TANC1: variants seen among roughly 807,000 people sequenced by gnomAD.
TANC1 encodes protein TANC1.
In TANC1, 77 loss-of-function variants were observed where a neutral mutation model predicts 149.7. The ratio of observed to expected loss-of-function variants is 0.51; its 90% CI spans 0.43 to 0.62. TANC1 has a LOEUF of 0.62. Among genes scored for constraint, TANC1 ranks in the 20% least tolerant of loss-of-function variants. The pLI, the probability that TANC1 is intolerant of heterozygous loss-of-function variation, is 0.00. For synonymous variants in TANC1, 854 were observed against 925.0 expected (o/e 0.92, Z 1.39); for missense variants, 1,985 against 2,321.8 (o/e 0.85, Z 2.98).
intron 4 of TANC1, among the ~76,000 whole-genome samples, chr2:159,133,809 T>C (rs1423141305): frequency 6.6e-6 from 1 of 152,244 alleles, no homozygotes; most frequent in Non-Finnish European, 1.5e-5. Flanking sequence ...GATTAAATAC[T>C]ACATGAATCA....
Position 159,219,976 on chromosome 2 carries a change from G to T in TANC1, c.3678+109G>T, listed in dbSNP as rs112564789. On this transcript the variant is annotated intron_variant, in intron 22 of 26. Transcript: ENST00000263635. Reference sequence around the variant, plus strand: ...GAGGTTGTGTCTCAGTGTCATCAGAGAGTGTGTGTGTGTGTGTGTGTGTGT... The same window carrying T: ...GAGGTTGTGTCTCAGTGTCATCAGATAGTGTGTGTGTGTGTGTGTGTGTGT... 5.5e-4 allele frequency: 401 copies of T among 730,282 alleles called. No individual in the cohort carries two copies. The African/African-American group carries it at 7.7e-3, about 14-fold the overall frequency. 45.2% of individuals were successfully genotyped at this position (730,282 alleles called of 1,614,324 possible). A position where few individuals can be genotyped will look rare whatever the true frequency, so the allele number is the denominator to read the frequency against.
rs199615131 is a variant in TANC1, at chr2:159,225,745, A to G, written c.3869A>G (p.Gln1290Arg). 1.0e-3 allele frequency: 1,693 copies of G among 1,614,120 alleles called. 12 individuals are homozygous for G. Among genetic ancestry groups the G allele is most frequent in the South Asian group, 6.6e-3 (597 of 91,078 alleles). Reference protein sequence around the residue: ...SKPDILIILLQKLMEEGNVMY... With the variant: ...SKPDILIILLRKLMEEGNVMY... ...CCTGATATCTTGATTATACTTTTAC[A>G]GAAATTAATGGAGGAAGGAAATGTG... Residue 1290 changes from glutamine to arginine, a missense_variant, in exon 24 of 27, where the codon CAG becomes CGG. By Grantham distance (43) the Gln-to-Arg change is conservative (BLOSUM62 1). Transcript: ENST00000263635.
chr2:159,066,058 G>A, intron 3 of TANC1, 87 bp downstream of exon 3: 2 of 1,072,268 alleles, frequency 1.9e-6, no homozygotes, highest in South Asian at 2.5e-5. Flanking sequence ...TGTTGCTTTG[G>A]GAGTGGGTCA....
rs3028258 is a variant in TANC1, at chr2:158,974,907, ATTTTTTTTT to A, written c.-126+6139_-126+6147del. Reference sequence around the variant, plus strand: ...ACCACCACACCCAGCTAATTTTTGTATTTTTTTTTTTTTTTTTTTTTTGTAGAGACAGGG... The same window carrying A: ...ACCACCACACCCAGCTAATTTTTGTATTTTTTTTTTTTTGTAGAGACAGGG... On this transcript the variant is annotated intron_variant, in intron 1 of 26. Coordinates refer to ENST00000263635, the MANE Select transcript of TANC1 (RefSeq NM_033394.3). Among the ~76,000 whole-genome samples the A allele has an allele frequency of 8.7e-5, 9 of 103,274 alleles. No individual in the cohort carries two copies. In the South Asian group the frequency reaches 1.5e-3, roughly 17 times the overall value. 67.8% of individuals were successfully genotyped at this position (103,274 alleles called of 152,430 possible).
intron 13 of TANC1, among the ~76,000 whole-genome samples, chr2:159,177,125 G>C (rs2055954935): frequency 6.6e-6 from 1 of 151,970 alleles, no homozygotes; most frequent in Non-Finnish European, 1.5e-5. Flanking sequence ...GGCCAGGCTG[G>C]TCTCCAACTC....
intron 2 of TANC1, among the ~76,000 whole-genome samples, chr2:159,051,651 T>TTGTATGTGTG (rs1412892744): frequency 5.6e-5 from 8 of 142,862 alleles, no homozygotes; most frequent in African/African-American, 2.1e-4. Flanking sequence ...GAAGTGGTGT[T>TTGTATGTGTG]TGTGTGTGTG....
intron 23 of TANC1, chr2:159,225,270 T>G (rs1575368863): frequency 8.3e-6 from 2 of 239,966 alleles, no homozygotes; most frequent in Non-Finnish European, 1.6e-5. Context: ...AGCTGTAGGG[T>G]AGGAGAGAGA....
Position 159,098,064 on chromosome 2 carries a change from T to C in TANC1, c.259+230T>C, listed in dbSNP as rs375600777. On this transcript the variant is annotated intron_variant, in intron 4 of 26. Transcript: ENST00000263635. ...AGATTTTTATAAAGATTAAAGATTTTGTTATCAGTACTGATGTTAACCAGC... is the reference window on the plus strand; with the variant it reads ...AGATTTTTATAAAGATTAAAGATTTCGTTATCAGTACTGATGTTAACCAGC... 3.9e-5 allele frequency among the ~76,000 whole-genome samples: 6 copies of C among 152,300 alleles called. 1 individual carries two copies. Among genetic ancestry groups the C allele is most frequent in the African/African-American group, 1.4e-4 (6 of 41,560 alleles).
intron 2 of TANC1, among the ~76,000 whole-genome samples, chr2:159,025,055 A>C (rs2039151722): frequency 6.6e-6 from 1 of 152,196 alleles, no homozygotes; most frequent in Non-Finnish European, 1.5e-5. Flanking sequence ...TTATTGATAC[A>C]CATATGCATA....
chr2:159,156,766 C>G lies in TANC1; in HGVS notation c.682+6210C>G, dbSNP rs185683650. Among the ~76,000 whole-genome samples the G allele has an allele frequency of 1.7e-3, 253 of 152,298 alleles. 1 individual carries two copies. The highest frequency in any genetic ancestry group is 5.6e-3 in the African/African-American group (233 of 41,560). On this transcript the variant is annotated intron_variant, in intron 7 of 26. Coordinates refer to ENST00000263635, the MANE Select transcript of TANC1 (RefSeq NM_033394.3). ...GTGTCTGTGCACAGGTTATGTGAGG[C>G]TTTATCAAAACACTGTGCTTTTTCT...
chr2:158,975,831 A>T (rs1316089217), intron 1 of TANC1, among the ~76,000 whole-genome samples: 10 of 127,530 alleles, frequency 7.8e-5, no homozygotes, highest in Non-Finnish European at 1.4e-4. Context: ...TTTCTTTCTT[A>T]TCTTTTTTTT....
intron 4 of TANC1, among the ~76,000 whole-genome samples, chr2:159,124,306 T>A (rs1030918515): frequency 6.6e-6 from 1 of 152,132 alleles, no homozygotes; most frequent in African/African-American, 2.4e-5. Context: ...ATCGCACCAC[T>A]GCACTCCATC....
rs115390601 is a variant in TANC1, at chr2:159,199,404, G to A, written c.3244+351G>A. Among the ~76,000 whole-genome samples the A allele has an allele frequency of 3.9e-3, 600 of 152,284 alleles. 5 individuals carry two copies. The highest frequency in any genetic ancestry group is 0.013 in the African/African-American group (556 of 41,546). The stretch of plus-strand genomic sequence containing the variant: ...GATCTTCCTGTGACCTGTGCATGGC[G>A]AGCCAGGCATGAACTTCTGTCCCCA... On this transcript the variant is annotated intron_variant, in intron 19 of 26. Transcript: ENST00000263635.
In TANC1 at chr2:159,217,515, G is replaced by A. The variant is rs1421650022; in HGVS notation, c.3263G>A (p.Gly1088Glu). ...WGETALTAAA[G>E]RGKLEVCELL... ...CCTTTAGCCCTGACTGCCGCCGCAG[G>A]AAGAGGGAAGCTGGAGGTCTGTGAG... The change falls in exon 20 of 27, where the codon GGA (glycine) becomes GAA (glutamate). Residue 1088 changes from glycine to glutamate, a missense_variant. Physicochemically the swap from Gly to Glu is moderately conservative, Grantham distance 98. This residue lies in a region of TANC1 where 920 missense variants were observed against 994.7 expected (regional missense o/e 0.92). Coordinates refer to ENST00000263635, the MANE Select transcript of TANC1 (RefSeq NM_033394.3). 1 of 1,614,252 alleles carries A rather than the reference G, an allele frequency of 6.2e-7. No homozygotes were observed. Among genetic ancestry groups the A allele is most frequent in the Non-Finnish European group, 8.5e-7 (1 of 1,180,048 alleles).
At chr2:159,198,774 GA>G (rs567343231) in intron 18 of TANC1, among the ~76,000 whole-genome samples, 200 bp from the exon 19 acceptor site, 160 of 152,224 alleles carry the variant, frequency 1.1e-3, no homozygotes, top group Non-Finnish European at 2.0e-3. Context: ...AATTCACTGA[GA>G]TTTTTTTTTA....
chr2:159,211,950 G>T (rs1448259940), intron 19 of TANC1, among the ~76,000 whole-genome samples: 1 of 152,224 alleles, frequency 6.6e-6, no homozygotes, highest in Non-Finnish European at 1.5e-5. Flanking sequence ...CATGCCCGGG[G>T]TGGCGCACTC....
At chr2:159,021,237 A>G (rs1260397392) in intron 2 of TANC1, among the ~76,000 whole-genome samples, 1 of 152,186 alleles carries the variant, frequency 6.6e-6, no homozygotes, top group Non-Finnish European at 1.5e-5. Flanking sequence ...GGTAGTTTAC[A>G]CATAATGATA....
At chr2:159,179,716 A>G (rs1314706347) in intron 14 of TANC1, among the ~76,000 whole-genome samples, 1 of 152,118 alleles carries the variant, frequency 6.6e-6, no homozygotes, top group Non-Finnish European at 1.5e-5. Context: ...CCCTTTGTGG[A>G]TGAGCTCTGT....
chr2:159,170,690 G>A lies in TANC1; in HGVS notation c.1236G>A (p.Val412=). The change falls in exon 10 of 27, where the codon GTG becomes GTA. Residue 412 remains valine, a synonymous_variant. Coordinates refer to ENST00000263635, the MANE Select transcript of TANC1 (RefSeq NM_033394.3). ...TGGCAGAAAACAGAGGCGCGGTGGTGGTTGGCAATGTGGGATTTGGGAAGA... is the reference window on the plus strand; with the variant it reads ...TGGCAGAAAACAGAGGCGCGGTGGTAGTTGGCAATGTGGGATTTGGGAAGA... ...TELAENRGAV[V]VGNVGFGKTA... is the part of the protein sequence containing the mutation. 4 of 1,614,162 alleles carry A rather than the reference G, an allele frequency of 2.5e-6. No homozygotes were observed. Among genetic ancestry groups the A allele is most frequent in the Non-Finnish European group, 3.4e-6 (4 of 1,180,032 alleles).
Sources: allele counts gnomAD v4.1 joint callset (sites outside exome capture counted in the v4.1 genomes callset), GRCh38; gene constraint gnomAD v4.1.1; regional missense constraint gnomAD v4.1.1; transcripts MANE v1.5; gene names NCBI Gene and HGNC (gene_info 2026-07-23, HGNC 2026-07-21).